Variants in SIVA1 observed in about 807,000 individuals in gnomAD.
The protein encoded by SIVA1 is SIVA1 apoptosis inducing factor.
Under a neutral mutation model 19.7 loss-of-function variants are expected in SIVA1, and 10 were observed. That is an observed-to-expected ratio of 0.51 (90% CI 0.31 to 0.86). SIVA1 has a LOEUF of 0.86. Among genes scored for constraint, SIVA1 ranks in the 40% least tolerant of loss-of-function variants. SIVA1 has a pLI of 0.04. For missense variants in SIVA1, 241 were observed against 245.2 expected (o/e 0.98, Z 0.11); for synonymous variants, 130 against 106.1 (o/e 1.23, Z -1.39).
chr14:104,756,680 T>C lies in SIVA1; in HGVS notation c.390T>C (p.Cys130=). Residue 130 remains cysteine (C), a synonymous_variant, in exon 3 of 4, where the codon TGT becomes TGC. Transcript: ENST00000329967. ...ATGGGAAGGCGGTCTGCGGTCAGTG[T>C]GAGCGAGCCCTGTGCGGGCAGTGTG... ...AVDGKAVCGQ[C]ERALCGQCVR... 2.5e-6 allele frequency: 4 copies of C among 1,614,206 alleles called. No individual in the cohort carries two copies. The highest frequency in any genetic ancestry group is 3.3e-4 in the Middle Eastern group (2 of 6,062).
intron 1 of SIVA1, chr14:104,753,931 T>C (rs1183028529): frequency 5.8e-6 from 2 of 347,594 alleles, no homozygotes; most frequent in South Asian, 4.0e-5. Flanking sequence ...GAAGGCTTCT[T>C]GGAAGAACAG....
chr14:104,753,312 G>A lies in SIVA1; in HGVS notation c.111G>A (p.Glu37=). The A allele has an allele frequency of 6.3e-7, 1 of 1,595,856 alleles. No individual in the cohort carries two copies. ...RGVCAERYSQ[E]VFEKTKRLLF... Reference sequence around the variant, plus strand: ...TGTGCGCCGAGCGCTACTCGCAGGAGGTCTTCGGTGAGTGTCGGGCGGGCT... The same window carrying A: ...TGTGCGCCGAGCGCTACTCGCAGGAAGTCTTCGGTGAGTGTCGGGCGGGCT... Residue 37 remains glutamate (E), a synonymous_variant, in exon 1 of 4, where the codon GAG becomes GAA. Coordinates refer to ENST00000329967, the MANE Select transcript of SIVA1 (RefSeq NM_006427.4).
chr14:104,753,152 T>G lies in SIVA1; in HGVS notation c.-50T>G. 4.0e-6 allele frequency: 5 copies of G among 1,236,506 alleles called. No individual in the cohort carries two copies. The highest frequency in any genetic ancestry group is 5.7e-6 in the Non-Finnish European group (5 of 876,098). 76.6% of individuals were successfully genotyped at this position (1,236,506 alleles called of 1,614,324 possible). ...CGCAGCTGTGACGTCACGGCGTCGTTGGTAAGGGGCTGGCGGCCGGGGAGC... is the reference window on the plus strand; with the variant it reads ...CGCAGCTGTGACGTCACGGCGTCGTGGGTAAGGGGCTGGCGGCCGGGGAGC... On this transcript the variant is annotated 5_prime_UTR_variant, in exon 1 of 4. Coordinates refer to ENST00000329967, the MANE Select transcript of SIVA1 (RefSeq NM_006427.4).
At position 104,753,161 on chromosome 14, in the gene SIVA1, G is replaced by T; in HGVS notation, c.-41G>T. On this transcript the variant is annotated 5_prime_UTR_variant, in exon 1 of 4. Coordinates refer to ENST00000329967, the MANE Select transcript of SIVA1 (RefSeq NM_006427.4). ...GACGTCACGGCGTCGTTGGTAAGGG[G>T]CTGGCGGCCGGGGAGCTGCGTAGCT... is the stretch of plus-strand genomic sequence containing the variant. The T allele has an allele frequency of 7.4e-7, 1 of 1,349,420 alleles. No homozygotes were observed. Among genetic ancestry groups the T allele is most frequent in the Non-Finnish European group, 1.0e-6 (1 of 972,850 alleles). 83.6% of individuals were successfully genotyped at this position (1,349,420 alleles called of 1,614,324 possible).
intron 3 of SIVA1, chr14:104,758,122 T>C (rs34207932): frequency 0.011 from 1,643 of 152,484 alleles, 12 homozygotes; most frequent in Non-Finnish European, 0.017. Flanking sequence ...CATTTCCTAC[T>C]TCAGGACCAG....
intron 1 of SIVA1, chr14:104,753,735 G>C (rs1275416761): frequency 2.2e-6 from 1 of 450,382 alleles, no homozygotes. Flanking sequence ...TGTCCCAAGA[G>C]GTATTCATGG....
intron 1 of SIVA1, among the ~76,000 whole-genome samples, 193 bp downstream of exon 1, chr14:104,753,512 G>T (rs1891777606): frequency 6.6e-6 from 1 of 152,150 alleles, no homozygotes; most frequent in Admixed American, 6.5e-5. Context: ...GGGATGTGAG[G>T]ACCCCAGCGT....
intron 2 of SIVA1, 113 bp from the exon 3 acceptor site, chr14:104,756,491 G>A: frequency 8.3e-7 from 1 of 1,203,988 alleles, no homozygotes; most frequent in Admixed American, 1.7e-5. Flanking sequence ...GTGGGGATGG[G>A]GTAGGCAGGT....
chr14:104,753,955 C>T (rs1017357077), intron 1 of SIVA1: 1 of 315,910 alleles, frequency 3.2e-6, no homozygotes, highest in South Asian at 2.3e-5. Context: ...GAGCGGAATC[C>T]TGTGGGGGCG....
intron 2 of SIVA1, 43 bp downstream of exon 2, chr14:104,755,867 C>A (rs141438376): frequency 0.012 from 18,872 of 1,559,330 alleles, 158 homozygotes; most frequent in South Asian, 0.016. Flanking sequence ...GCACTGAGGG[C>A]AGGTGGTGGC....
chr14:104,753,973 G>T, intron 1 of SIVA1: 1 of 305,850 alleles, frequency 3.3e-6, no homozygotes, highest in South Asian at 2.4e-5. Flanking sequence ...GCGAGTAGGA[G>T]TTAGCCAGGC....
At position 104,759,619 on chromosome 14, in the gene SIVA1, C is replaced by T. The variant is rs1347347021; in HGVS notation, c.*134C>T. ...CCTTTTACATGTTCTATTTTGTATC[C>T]TAATGACAGAATGAATAAACCTCTT... On this transcript the variant is annotated 3_prime_UTR_variant, in exon 4 of 4. Coordinates refer to ENST00000329967, the MANE Select transcript of SIVA1 (RefSeq NM_006427.4). The surrounding 1 kb of genome is among the most constrained non-coding windows in gnomAD (Gnocchi z 4.2). The T allele has an allele frequency of 4.8e-6, 3 of 628,362 alleles. No individual in the cohort carries two copies. In the African/African-American group the frequency reaches 5.5e-5, roughly 12 times the overall value. 38.9% of individuals were successfully genotyped at this position (628,362 alleles called of 1,614,324 possible).
At chr14:104,754,987 A>C (rs1353788127) in intron 1 of SIVA1, among the ~76,000 whole-genome samples, 2 of 152,192 alleles carry the variant, frequency 1.3e-5, no homozygotes, top group East Asian at 3.8e-4. Context: ...CTGATTTTTC[A>C]AAGCTCCCCA....
Position 104,753,285 on chromosome 14 carries a change from C to G in SIVA1, c.84C>G (p.Gly28=). 1 of 1,600,732 alleles carries G rather than the reference C, an allele frequency of 6.2e-7. No individual in the cohort carries two copies. Among genetic ancestry groups the G allele is most frequent in the Non-Finnish European group, 8.5e-7 (1 of 1,175,548 alleles). The change falls in exon 1 of 4, where the codon GGC becomes GGG. Residue 28 remains glycine, a synonymous_variant. Coordinates refer to ENST00000329967, the MANE Select transcript of SIVA1 (RefSeq NM_006427.4). ...VRVSQRELSR[G]VCAERYSQEV... ...TGAGCCAGAGGGAGTTGAGCCGCGG[C>G]GTGTGCGCCGAGCGCTACTCGCAGG...
intron 1 of SIVA1, chr14:104,753,707 C>T (rs781328385): frequency 2.3e-5 from 10 of 434,288 alleles, no homozygotes; most frequent in South Asian, 1.7e-4. Flanking sequence ...ATGGAGTCAA[C>T]CCGAAGAGTG....
rs747280611 is a variant in SIVA1 at position 104,754,010 on chromosome 14, C to T, written c.118+691C>T. 25 of 292,332 alleles carry T rather than the reference C, an allele frequency of 8.6e-5. 1 individual carries two copies. The highest frequency in any genetic ancestry group is 6.6e-4 in the South Asian group (25 of 37,922). The allele number at this position is 292,332 out of a possible 1,614,324, so 18.1% of individuals were successfully genotyped here. A position where few individuals can be genotyped will look rare whatever the true frequency, so the allele number is the denominator to read the frequency against. On this transcript the variant is annotated intron_variant, in intron 1 of 3. Transcript: ENST00000329967. ...GAGGAAGGGAAGGAAGAGGGCGAGGCAGAAGCCAGGCAGCAGGAGAGCGAA... is the reference window on the plus strand; with the variant it reads ...GAGGAAGGGAAGGAAGAGGGCGAGGTAGAAGCCAGGCAGCAGGAGAGCGAA...
rs1220405055 is a variant in SIVA1 at position 104,755,709 on chromosome 14, C to T, written c.198C>T (p.His66=). The T allele has an allele frequency of 1.2e-6, 2 of 1,614,110 alleles. No homozygotes were observed. Among genetic ancestry groups the T allele is most frequent in the Non-Finnish European group, 1.7e-6 (2 of 1,180,000 alleles). Residue 66 remains histidine (H), a synonymous_variant, in exon 2 of 4, where the codon CAC becomes CAT. Transcript: ENST00000329967. ...GGGATGAAGGCTGTGCCGTCGTTCACCTGCCAGAGTCCCCAAAGCCTGGCC... is the reference window on the plus strand; with the variant it reads ...GGGATGAAGGCTGTGCCGTCGTTCATCTGCCAGAGTCCCCAAAGCCTGGCC... ...HVWDEGCAVV[H]LPESPKPGPT... is the part of the protein sequence containing the mutation.
chr14:104,753,370 G>T, intron 1 of SIVA1, 51 bp downstream of exon 1: 7 of 1,297,902 alleles, frequency 5.4e-6, no homozygotes, highest in Non-Finnish European at 7.5e-6. Flanking sequence ...GCCTGGAACG[G>T]GCCGGGCCTC....
chr14:104,755,884 AT>A, intron 2 of SIVA1, 60 bp downstream of exon 2: 1 of 1,481,462 alleles, frequency 6.8e-7, no homozygotes, highest in Non-Finnish European at 9.3e-7. Flanking sequence ...TGGCACGAGC[AT>A]TTTTCTTGAT....
Sources: allele counts gnomAD v4.1 joint callset (sites outside exome capture counted in the v4.1 genomes callset), GRCh38; gene constraint gnomAD v4.1.1; non-coding constraint Gnocchi (gnomAD v3.1); transcripts MANE v1.5; gene names NCBI Gene and HGNC (gene_info 2026-07-23, HGNC 2026-07-21).